The following ANKRD17 variants were observed in gnomAD, a reference collection of about 807,000 sequenced individuals.
ANKRD17 encodes ankyrin repeat domain-containing protein 17.
Under a neutral mutation model 229.7 loss-of-function variants are expected in ANKRD17, and 19 were observed. The ratio of observed to expected loss-of-function variants is 0.08; its 90% confidence interval spans 0.06 to 0.12. The LOEUF (loss-of-function observed/expected upper bound fraction) is 0.12, where lower values mean the gene tolerates loss of function less well. Ranked by LOEUF, ANKRD17 falls within the 10% of genes least tolerant of loss-of-function variation. The pLI, the probability that ANKRD17 is intolerant of heterozygous loss-of-function variation, is 1.00. For missense variants in ANKRD17, 2,176 were observed against 3,176.8 expected, an observed-to-expected ratio of 0.68 and a Z score of 7.57; for synonymous variants, 1,112 against 1,146.1, an observed-to-expected ratio of 0.97 and a Z score of 0.60.
At chr4:73,177,899 G>T (rs1174378811) in intron 1 of ANKRD17, among the ~76,000 whole-genome samples, 1 of 152,048 alleles carries the variant, frequency 6.6e-6, no homozygotes, top group Non-Finnish European at 1.5e-5. Context: ...TAAATGTTTT[G>T]CTTTCAGGAC....
chr4:73,240,515 C>T (rs942754199), intron 1 of ANKRD17, among the ~76,000 whole-genome samples: 2 of 151,352 alleles, frequency 1.3e-5, no homozygotes, highest in Admixed American at 1.3e-4. Flanking sequence ...GTCCCAGATA[C>T]TTGGGAGGCT....
intron 3 of ANKRD17, among the ~76,000 whole-genome samples, chr4:73,160,575 T>C (rs1333381037): frequency 6.6e-6 from 1 of 152,154 alleles, no homozygotes; most frequent in African/African-American, 2.4e-5. Context: ...GTGATTTTTA[T>C]TGGATAACAT....
intron 23 of ANKRD17, among the ~76,000 whole-genome samples, chr4:73,114,538 T>C (rs780542946): frequency 5.9e-5 from 9 of 152,282 alleles, no homozygotes; most frequent in South Asian, 2.1e-4. Context: ...TAGTATACTG[T>C]ATCCTTTAAC....
At chr4:73,228,123 C>G (rs994137423) in intron 1 of ANKRD17, among the ~76,000 whole-genome samples, 5 of 151,992 alleles carry the variant, frequency 3.3e-5, no homozygotes, top group Non-Finnish European at 7.4e-5. Context: ...CTCTCTTTTT[C>G]TCTTTTCTAC....
chr4:73,221,185 T>C (rs1285276452), intron 1 of ANKRD17, among the ~76,000 whole-genome samples: 3 of 152,092 alleles, frequency 2.0e-5, no homozygotes, highest in Non-Finnish European at 4.4e-5. Flanking sequence ...TTTAGTATGA[T>C]AGGATGCAAC....
intron 24 of ANKRD17, among the ~76,000 whole-genome samples, chr4:73,110,585 A>T (rs754888469): frequency 6.6e-6 from 1 of 152,190 alleles, no homozygotes; most frequent in South Asian, 2.1e-4. Context: ...GTCAAGACCA[A>T]CTCCAGCGAT....
At chr4:73,211,370 A>G (rs982565338) in intron 1 of ANKRD17, among the ~76,000 whole-genome samples, 2 of 152,176 alleles carry the variant, frequency 1.3e-5, no homozygotes, top group Non-Finnish European at 2.9e-5. Context: ...TTGTAAAGAT[A>G]AAGTTGAGTG....
intron 1 of ANKRD17, among the ~76,000 whole-genome samples, chr4:73,206,173 A>C (rs755784918): frequency 7.2e-5 from 11 of 152,186 alleles, no homozygotes; most frequent in Non-Finnish European, 1.5e-4. Context: ...AAAACAGTAC[A>C]GAGGTTCCTC....
rs1288774440 is a variant in ANKRD17 at position 73,258,492 on chromosome 4, G to A, written c.177C>T (p.Asp59=). 2.5e-6 allele frequency: 4 copies of A among 1,572,670 alleles called. No individual in the cohort carries two copies. The highest frequency in any genetic ancestry group is 3.4e-6 in the Non-Finnish European group (4 of 1,161,072). ...GCGGCGGCTTCTTCTTCAGGAGCAG[G>A]TCGCAGACTCGCACCATCCCACGAG... ...SSPRGMVRVC[D]LLLKKKPPQQ... Residue 59 remains aspartate (D), a synonymous_variant, in exon 1 of 34, where the codon GAC becomes GAT. Transcript: ENST00000358602.
At chr4:73,171,192 AGAG>A (rs2148963586) in intron 2 of ANKRD17, among the ~76,000 whole-genome samples, 1 of 149,708 alleles carries the variant, frequency 6.7e-6, no homozygotes, top group African/African-American at 2.5e-5. Flanking sequence ...AGAGAGAGAG[AGAG>A]AGAGAGAGAG....
chr4:73,144,735 A>G lies in ANKRD17; in HGVS notation c.1957+10T>C. ...TTTCAAAAAAAGACAACTGTTTTAT[A>G]CAAACCTACCTTTACTAATTAAGAA... is the stretch of plus-strand genomic sequence containing the variant. On this transcript the variant is annotated intron_variant, in intron 11 of 33. Coordinates refer to ENST00000358602, the MANE Select transcript of ANKRD17 (RefSeq NM_032217.5). The G allele has an allele frequency of 6.5e-7, 1 of 1,535,650 alleles. No individual in the cohort carries two copies. The highest frequency in any genetic ancestry group is 8.7e-7 in the Non-Finnish European group (1 of 1,145,124).
intron 1 of ANKRD17, among the ~76,000 whole-genome samples, chr4:73,221,322 T>A (rs1741820693): frequency 6.6e-6 from 1 of 151,982 alleles, no homozygotes; most frequent in African/African-American, 2.4e-5. Context: ...ATTAAACAAT[T>A]GAGATAATAA....
At chr4:73,090,403 C>G (rs959194211) in intron 29 of ANKRD17, among the ~76,000 whole-genome samples, 1 of 152,160 alleles carries the variant, frequency 6.6e-6, no homozygotes, top group Non-Finnish European at 1.5e-5. Flanking sequence ...GAGCGAGACT[C>G]TGTCTCAAAA....
chr4:73,157,514 T>C (rs920566981), intron 3 of ANKRD17, among the ~76,000 whole-genome samples: 2 of 152,172 alleles, frequency 1.3e-5, no homozygotes, highest in East Asian at 3.8e-4. Context: ...TATAAAATAA[T>C]CCTAAAACTA....
intron 1 of ANKRD17, among the ~76,000 whole-genome samples, chr4:73,219,043 A>C (rs1358883884): frequency 6.6e-6 from 1 of 152,190 alleles, no homozygotes; most frequent in Non-Finnish European, 1.5e-5. Context: ...GCCTGGCAAC[A>C]CAGCAAGATT....
chr4:73,105,627 A>T (rs949617515), intron 24 of ANKRD17, among the ~76,000 whole-genome samples: 1 of 152,018 alleles, frequency 6.6e-6, no homozygotes, highest in Non-Finnish European at 1.5e-5. Context: ...AATAAAATTT[A>T]AAAAAAAGAA....
intron 1 of ANKRD17, among the ~76,000 whole-genome samples, chr4:73,226,085 C>A (rs528007296): frequency 6.8e-6 from 1 of 146,464 alleles, no homozygotes; most frequent in East Asian, 2.2e-4. Context: ...AAGCAATTCT[C>A]CTGCCTCAGC....
intron 1 of ANKRD17, among the ~76,000 whole-genome samples, chr4:73,204,358 CAAAAAAAAAAAAA>C (rs374000000): frequency 3.4e-5 from 2 of 59,146 alleles, no homozygotes; most frequent in Non-Finnish European, 6.1e-5. Context: ...GAGACTCCGT[CAAAAAAAAAAAAA>C]AAAAAAAAGA....
At chr4:73,168,408 A>C (rs1217807015) in intron 2 of ANKRD17, among the ~76,000 whole-genome samples, 1 of 151,986 alleles carries the variant, frequency 6.6e-6, no homozygotes, top group Non-Finnish European at 1.5e-5. Context: ...CCTTATATTT[A>C]AGATATGATA....
Sources: allele counts gnomAD v4.1 joint callset (sites outside exome capture counted in the v4.1 genomes callset), GRCh38; gene constraint gnomAD v4.1.1; transcripts MANE v1.5; gene names NCBI Gene and HGNC (gene_info 2026-07-23, HGNC 2026-07-21).